Variants in GTF2B observed in about 807,000 individuals in gnomAD.
The protein encoded by GTF2B is transcription initiation factor IIB.
A neutral mutation model predicts 34.6 loss-of-function variants in GTF2B; 20 were observed. The observed-to-expected ratio is 0.58, with a 90% CI of 0.41 to 0.84. GTF2B has a LOEUF of 0.84. Ranked by LOEUF, GTF2B falls within the 40% of genes least tolerant of loss-of-function variation. The probability of loss-of-function intolerance (pLI) is 0.00; values close to 1 mark genes in which losing one functional copy is unlikely to be tolerated. For missense variants in GTF2B, 237 were observed against 393.3 expected, an observed-to-expected ratio of 0.60 and a Z score of 3.36; for synonymous variants, 142 against 132.4, an observed-to-expected ratio of 1.07 and a Z score of -0.50.
chr1:88,877,143 A>G (rs931282137), intron 2 of GTF2B, among the ~76,000 whole-genome samples: 1 of 152,206 alleles, frequency 6.6e-6, no homozygotes, highest in Non-Finnish European at 1.5e-5. Flanking sequence ...CTTTTTAAGC[A>G]CATTCCCCAG....
intron 6 of GTF2B, among the ~76,000 whole-genome samples, chr1:88,856,192 C>T (rs1389426834): frequency 3.7e-5 from 5 of 136,804 alleles, no homozygotes; most frequent in South Asian, 5.1e-4. Context: ...ATAGCTTGTC[C>T]GGGAGGTGGA....
intron 2 of GTF2B, among the ~76,000 whole-genome samples, chr1:88,871,429 C>T (rs539778303): frequency 4.5e-4 from 68 of 152,114 alleles, no homozygotes; most frequent in Non-Finnish European, 9.0e-4. Context: ...TCTTTATCAC[C>T]TGAGATATTG....
intron 6 of GTF2B, among the ~76,000 whole-genome samples, chr1:88,855,312 TA>T (rs919181354): frequency 9.5e-4 from 145 of 152,108 alleles, no homozygotes; most frequent in Non-Finnish European, 1.6e-3. Flanking sequence ...CTGTTGTGAA[TA>T]AAGTATTACA....
chr1:88,876,402 C>T (rs1673816818), intron 2 of GTF2B, among the ~76,000 whole-genome samples: 1 of 152,184 alleles, frequency 6.6e-6, no homozygotes, highest in Non-Finnish European at 1.5e-5. Flanking sequence ...GGAAGCCGAA[C>T]ACAGTGCTCA....
At chr1:88,876,131 G>C (rs568422174) in intron 2 of GTF2B, among the ~76,000 whole-genome samples, 2 of 152,332 alleles carry the variant, frequency 1.3e-5, no homozygotes, top group Admixed American at 1.3e-4. Context: ...GAAATAACTT[G>C]TAAGTGAATA....
chr1:88,869,631 C>T (rs1673642238), intron 2 of GTF2B, among the ~76,000 whole-genome samples: 2 of 151,288 alleles, frequency 1.3e-5, no homozygotes, highest in African/African-American at 2.4e-5. Context: ...AAAATGACTT[C>T]TTTTTTTTTC....
intron 2 of GTF2B, among the ~76,000 whole-genome samples, chr1:88,865,883 T>C (rs1673547358): frequency 6.8e-6 from 1 of 147,544 alleles, no homozygotes; most frequent in South Asian, 2.1e-4. Context: ...CAAAAATTAA[T>C]CTCCATAGAA....
At chr1:88,881,975 G>A (rs1471701369) in intron 2 of GTF2B, among the ~76,000 whole-genome samples, 1 of 152,034 alleles carries the variant, frequency 6.6e-6, no homozygotes, top group Non-Finnish European at 1.5e-5. Context: ...TGGAAGTGAG[G>A]CTGGTGGGAA....
chr1:88,890,064 T>A (rs1255150019), intron 1 of GTF2B, among the ~76,000 whole-genome samples: 1 of 151,690 alleles, frequency 6.6e-6, no homozygotes, highest in African/African-American at 2.4e-5. Context: ...TTCTTTGTTG[T>A]CACTGATAGA....
At chr1:88,874,466 T>C (rs924212901) in intron 2 of GTF2B, among the ~76,000 whole-genome samples, 2 of 149,838 alleles carry the variant, frequency 1.3e-5, no homozygotes, top group African/African-American at 2.4e-5. Context: ...GCTAGGACTA[T>C]AGGCTTGCGC....
Position 88,881,169 on chromosome 1 carries a change from TAAAAAAA to T in GTF2B, c.124+6085_124+6091del, listed in dbSNP as rs537366934. Among the ~76,000 whole-genome samples the T allele has an allele frequency of 2.6e-4, 33 of 125,348 alleles. No homozygotes were observed. The South Asian group carries it at 8.3e-3, about 31-fold the overall frequency. The allele number at this position is 125,348 out of a possible 152,430, so 82.2% of individuals were successfully genotyped here. ...AATAAATACATGCTAGGTATGTATT[TAAAAAAA>T]AAAAAAAAAAAAAGATACATACTTA... On this transcript the variant is annotated intron_variant, in intron 2 of 6. Transcript: ENST00000370500.
chr1:88,891,365 C>A (rs1674202470), intron 1 of GTF2B, 118 bp downstream of exon 1: 1 of 702,098 alleles, frequency 1.4e-6, no homozygotes, highest in Non-Finnish European at 2.4e-6. Context: ...GCCAGTCCCG[C>A]CGCTTCTCTC....
rs202161057 is a variant in GTF2B, at chr1:88,860,263, G to A, written c.282C>T (p.Asp94=). ...IGKGTGAASF[D]EFGNSKYQNR... ...TCTGGTACTTAGAATTGCCAAATTC[G>A]TCAAAACTTGCAGCTCCTGTGCCCT... The change falls in exon 4 of 7, where the codon GAC becomes GAT. Residue 94 remains aspartate, a synonymous_variant. Coordinates refer to ENST00000370500, the MANE Select transcript of GTF2B (RefSeq NM_001514.6). 26 of 1,613,794 alleles carry A rather than the reference G, an allele frequency of 1.6e-5. No individual in the cohort carries two copies. The highest frequency in any genetic ancestry group is 1.0e-4 in the Admixed American group (6 of 59,968).
intron 1 of GTF2B, chr1:88,887,623 TTTC>T: frequency 2.6e-6 from 1 of 391,586 alleles, no homozygotes. Flanking sequence ...AAAATAATTG[TTTC>T]TTCTCTCAAT....
chr1:88,877,717 A>C (rs1373188540), intron 2 of GTF2B, among the ~76,000 whole-genome samples: 1 of 152,166 alleles, frequency 6.6e-6, no homozygotes, highest in Non-Finnish European at 1.5e-5. Context: ...GTATCACTTG[A>C]GGTAAGGAGT....
intron 3 of GTF2B, 68 bp downstream of exon 3, chr1:88,863,913 A>C: frequency 1.4e-6 from 2 of 1,469,166 alleles, no homozygotes; most frequent in Non-Finnish European, 1.9e-6. Flanking sequence ...ATACTTTTGC[A>C]AAGTTCCCAA....
intron 2 of GTF2B, among the ~76,000 whole-genome samples, chr1:88,864,706 A>G (rs1180527393): frequency 2.6e-5 from 4 of 152,208 alleles, no homozygotes; most frequent in Admixed American, 1.3e-4. Context: ...GCATCTAAAT[A>G]TATCATGTCC....
chr1:88,855,317 T>A (rs566600751), intron 6 of GTF2B, among the ~76,000 whole-genome samples: 6 of 152,224 alleles, frequency 3.9e-5, no homozygotes, highest in African/African-American at 1.2e-4. Flanking sequence ...GTGAATAAAG[T>A]ATTACAAAGT....
At chr1:88,890,210 G>A (rs1016755430) in intron 1 of GTF2B, among the ~76,000 whole-genome samples, 7 of 150,972 alleles carry the variant, frequency 4.6e-5, no homozygotes, top group African/African-American at 9.8e-5. Context: ...GTGATCTGGG[G>A]AGCCCAAGTT....
Sources: gnomAD v4.1 joint callset for allele counts (sites outside exome capture counted in the v4.1 genomes callset) on GRCh38, gnomAD v4.1.1 for gene constraint, MANE v1.5 for transcripts, NCBI Gene and HGNC (gene_info 2026-07-23, HGNC 2026-07-21) for gene names.